Variants in RIMKLB observed in about 807,000 individuals in gnomAD.
The protein encoded by RIMKLB is ribosomal modification protein rimK like family member B.
In RIMKLB, 7 loss-of-function variants were observed where a neutral mutation model predicts 32.0. That is an observed-to-expected ratio of 0.22 (90% CI 0.12 to 0.41). The LOEUF is 0.41. Ranked by LOEUF, RIMKLB falls within the 10% of genes least tolerant of loss-of-function variation. The pLI is 1.00. For missense variants in RIMKLB, 289 were observed against 498.7 expected (o/e 0.58, Z 4.00); for synonymous variants, 172 against 185.1 (o/e 0.93, Z 0.57).
At chr12:8,690,700 G>A (rs879677839) in intron 1 of RIMKLB, among the ~76,000 whole-genome samples, 1 of 152,158 alleles carries the variant, frequency 6.6e-6, no homozygotes, top group Admixed American at 6.5e-5. Context: ...CAATGCAGGT[G>A]GATCATGAGG....
chr12:8,753,785 G>A (rs2137811828), intron 4 of RIMKLB, 105 bp from the exon 5 acceptor site: 1 of 857,122 alleles, frequency 1.2e-6, no homozygotes, highest in Non-Finnish European at 1.8e-6. Flanking sequence ...AAAAAATGTA[G>A]TTGGTTCTGA....
chr12:8,767,270 T>A (rs1950046420), intron 5 of RIMKLB, among the ~76,000 whole-genome samples: 1 of 152,224 alleles, frequency 6.6e-6, no homozygotes, highest in African/African-American at 2.4e-5. Context: ...CCTAGCCCTT[T>A]ACAAACTTGG....
chr12:8,718,383 T>C (rs1373263290), intron 2 of RIMKLB, among the ~76,000 whole-genome samples: 1 of 152,224 alleles, frequency 6.6e-6, no homozygotes, highest in Non-Finnish European at 1.5e-5. Flanking sequence ...CAGTGGCTCA[T>C]GCCTGTAATC....
At chr12:8,710,965 C>CAAAAA in intron 1 of RIMKLB, among the ~76,000 whole-genome samples, 1 of 65,768 alleles carries the variant, frequency 1.5e-5, no homozygotes, top group South Asian at 5.4e-4. Flanking sequence ...ACATCTTTAC[C>CAAAAA]AAAAAAAAAA....
chr12:8,701,334 CTG>C (rs1943377648), intron 1 of RIMKLB, among the ~76,000 whole-genome samples: 2 of 152,058 alleles, frequency 1.3e-5, no homozygotes, highest in Admixed American at 6.6e-5. Context: ...CCATATGTAT[CTG>C]TGTACATGTT....
upstream of RIMKLB, among the ~76,000 whole-genome samples, chr12:8,677,861 T>A (rs184417198): frequency 8.0e-3 from 1,216 of 151,562 alleles, 17 homozygotes; most frequent in African/African-American, 0.028. Flanking sequence ...CAGGTGATCC[T>A]CCCACCTCAG....
At chr12:8,710,267 G>A (rs763148420) in intron 1 of RIMKLB, among the ~76,000 whole-genome samples, 1 of 146,028 alleles carries the variant, frequency 6.8e-6, no homozygotes, top group Non-Finnish European at 1.5e-5. Flanking sequence ...ATGAACTACC[G>A]CTCCCCGCCA....
downstream of RIMKLB, among the ~76,000 whole-genome samples, chr12:8,778,773 A>G (rs1950879110): frequency 6.6e-6 from 1 of 152,200 alleles, no homozygotes; most frequent in Non-Finnish European, 1.5e-5. Flanking sequence ...AGTAATCAGG[A>G]CCTTTTCAAG....
intron 1 of RIMKLB, among the ~76,000 whole-genome samples, chr12:8,702,685 TG>T: frequency 6.6e-6 from 1 of 152,340 alleles, no homozygotes; most frequent in South Asian, 2.1e-4. Flanking sequence ...CAGGCAGGGT[TG>T]CCCAAATAGC....
chr12:8,693,752 G>A (rs1260680011), upstream of RIMKLB, among the ~76,000 whole-genome samples: 1 of 152,072 alleles, frequency 6.6e-6, no homozygotes, highest in East Asian at 1.9e-4. Context: ...TAGCTGAAAT[G>A]GCTAGATAAC....
intron 5 of RIMKLB, among the ~76,000 whole-genome samples, chr12:8,761,880 A>G (rs1443101042): frequency 6.6e-6 from 1 of 152,134 alleles, no homozygotes; most frequent in Non-Finnish European, 1.5e-5. Context: ...CTTCGATGTC[A>G]TTAACATCGG....
intron 1 of RIMKLB, among the ~76,000 whole-genome samples, chr12:8,686,291 A>ATTTCC (rs369347626): frequency 3.6e-5 from 4 of 112,526 alleles, no homozygotes; most frequent in Admixed American, 1.0e-4. Context: ...CTCTCCTCTC[A>ATTTCC]TTTCCTTTCC....
the RIMKLB span, among the ~76,000 whole-genome samples, chr12:8,670,026 C>CA: frequency 0.032 from 1,168 of 36,234 alleles, 34 homozygotes; most frequent in Non-Finnish European, 0.039. Flanking sequence ...GACTCCGTCT[C>CA]AAAAAAAAAA....
At chr12:8,691,145 C>G (rs779864331) in intron 1 of RIMKLB, among the ~76,000 whole-genome samples, 1 of 152,106 alleles carries the variant, frequency 6.6e-6, no homozygotes, top group Admixed American at 6.5e-5. Flanking sequence ...AAAAGTTCTG[C>G]GAAACAATAC....
intron 2 of RIMKLB, among the ~76,000 whole-genome samples, chr12:8,734,375 A>G (rs1227778416): frequency 6.6e-6 from 1 of 152,208 alleles, no homozygotes; most frequent in African/African-American, 2.4e-5. Flanking sequence ...CCTGAAAGGT[A>G]TTTTGAAAGT....
In RIMKLB at chr12:8,698,467, G is replaced by A. The variant is rs1943056165; in HGVS notation, c.-57+170G>A. On this transcript the variant is annotated intron_variant, in intron 1 of 5. Coordinates refer to ENST00000535829, the MANE Select transcript of RIMKLB (RefSeq NM_001297776.2). ...CCGGGGCTAGTTGAGGCCGGTGGTC[G>A]CCGCTCCGCGGAGTCGGTGGGGAGC... Among the ~76,000 whole-genome samples, 4 of 152,062 alleles carry A rather than the reference G, an allele frequency of 2.6e-5. No homozygotes were observed. In the South Asian group the frequency reaches 8.3e-4, roughly 31 times the overall value.
intron 5 of RIMKLB, among the ~76,000 whole-genome samples, chr12:8,756,250 G>A (rs1025834517): frequency 2.0e-5 from 3 of 151,920 alleles, no homozygotes; most frequent in South Asian, 2.1e-4. Context: ...GAGCCTGGGC[G>A]GTCGAGGCTG....
At chr12:8,777,400 G>A, downstream of RIMKLB, 4 of 984,864 alleles carry the variant, frequency 4.1e-6, no homozygotes, top group Non-Finnish European at 4.8e-6. Flanking sequence ...TTGGATTTTT[G>A]TGTGGTATTT....
intron 2 of RIMKLB, among the ~76,000 whole-genome samples, chr12:8,735,330 A>G (rs1003497424): frequency 1.1e-4 from 16 of 152,178 alleles, no homozygotes; most frequent in Non-Finnish European, 1.5e-5. Flanking sequence ...CCTGGGTTCA[A>G]GTGATTTTCC....
Sources: gnomAD v4.1 joint callset for allele counts (sites outside exome capture counted in the v4.1 genomes callset) on GRCh38, gnomAD v4.1.1 for gene constraint, MANE v1.5 for transcripts, NCBI Gene and HGNC (gene_info 2026-07-23, HGNC 2026-07-21) for gene names.